Variants in RP1 observed in about 807,000 individuals in gnomAD.
The protein encoded by RP1 is RP1 axonemal microtubule associated, also known as oxygen-regulated protein 1.
A neutral mutation model predicts 14.8 loss-of-function variants in RP1; 16 were observed. That is an observed-to-expected ratio of 1.08 (90% confidence interval 0.73 to 1.65). The LOEUF (loss-of-function observed/expected upper bound fraction) is 1.65. RP1 is among the 40% of genes most tolerant of loss of function. The pLI is 0.00. For missense variants in RP1, 2,631 were observed against 2,535.0 expected, an observed-to-expected ratio of 1.04 and a Z score of -0.81; for synonymous variants, 876 against 883.6, an observed-to-expected ratio of 0.99 and a Z score of 0.15.
At chr8:54,763,318 C>CA (rs1809686225) in intron 22 of RP1, among the ~76,000 whole-genome samples, 1 of 152,150 alleles carries the variant, frequency 6.6e-6, no homozygotes, top group South Asian at 2.1e-4. Flanking sequence ...CAAGGAGTGC[C>CA]AAAAGCTTCT....
exon 24 of RP1, chr8:54,783,698 A>G (rs1342116710): frequency 1.6e-6 from 2 of 1,230,858 alleles, no homozygotes; most frequent in Non-Finnish European, 1.0e-6. Context: ...CTAACACTGC[A>G]GATATATTCA....
Position 54,853,904 on chromosome 8 carries a change from GAA to G in RP1, c.3990+1178_3990+1179del, listed in dbSNP as rs771560244. On this transcript the variant is annotated intron_variant, in intron 26 of 28. Coordinates refer to the RP1 transcript ENST00000637698. ...AAGAAAAAAAGAAAAAAGAAGGAAA[GAA>G]AGAGAAAAAAGAAAAAAGGGAGAGA... Among the ~76,000 whole-genome samples the G allele has an allele frequency of 1.7e-3, 199 of 118,026 alleles. 1 individual carries two copies. Among genetic ancestry groups the G allele is most frequent in the Admixed American group, 2.6e-3 (28 of 10,928 alleles). 77.4% of individuals were successfully genotyped at this position (118,026 alleles called of 152,430 possible).
At chr8:54,781,834 T>G (rs1810196874) in intron 23 of RP1, among the ~76,000 whole-genome samples, 1 of 152,168 alleles carries the variant, frequency 6.6e-6, no homozygotes, top group Non-Finnish European at 1.5e-5. Flanking sequence ...TATTCCACCC[T>G]TAAGGCCTAT....
At chr8:54,587,947 G>A (rs1804968329) in intron 1 of RP1, among the ~76,000 whole-genome samples, 1 of 152,076 alleles carries the variant, frequency 6.6e-6, no homozygotes, top group African/African-American at 2.4e-5. Context: ...ACATTATTAA[G>A]TTTAGACCAT....
In RP1 at chr8:54,830,296, T is replaced by A. The variant is rs190345564; in HGVS notation, c.3616-7154T>A. On this transcript the variant is annotated intron_variant, in intron 24 of 28. Coordinates refer to the RP1 transcript ENST00000637698. ...TGACCTTCTGTATTTCTTTTTTTTT[T>A]TATACTTTAAGTTCTGGGGTACATG... Among the ~76,000 whole-genome samples the A allele has an allele frequency of 1.2e-4, 19 of 152,190 alleles. No individual in the cohort carries two copies. The East Asian group carries it at 2.1e-3, about 17-fold the overall frequency.
intron 5 of RP1, among the ~76,000 whole-genome samples, chr8:54,653,766 A>G (rs1039639774): frequency 2.0e-5 from 3 of 152,330 alleles, no homozygotes; most frequent in Middle Eastern, 3.4e-3. Flanking sequence ...CCTGGCTTCT[A>G]TGTGAAATAC....
chr8:54,714,497 C>T (rs1808357722), intron 15 of RP1, among the ~76,000 whole-genome samples: 1 of 152,090 alleles, frequency 6.6e-6, no homozygotes, highest in African/African-American at 2.4e-5. Flanking sequence ...TAAACTGGCT[C>T]AACTAATTAT....
exon 16 of RP1, chr8:54,720,144 G>T: frequency 6.5e-7 from 1 of 1,534,412 alleles, no homozygotes; most frequent in Non-Finnish European, 8.7e-7. Flanking sequence ...AGGAGATGTT[G>T]ACTGTCATTT....
chr8:54,753,230 G>A (rs760025373), intron 19 of RP1, among the ~76,000 whole-genome samples: 50 of 152,190 alleles, frequency 3.3e-4, no homozygotes, highest in African/African-American at 4.8e-4. Context: ...ATGGTCAGGC[G>A]TGCTGAGTTA....
Position 54,754,241 on chromosome 8 carries a change from A to T in RP1, c.2809-562A>T, listed in dbSNP as rs538178330. Among the ~76,000 whole-genome samples, 21 of 152,130 alleles carry T rather than the reference A, an allele frequency of 1.4e-4. 1 individual carries two copies. The South Asian group carries it at 4.2e-3, about 30-fold the overall frequency. Reference sequence around the variant, plus strand: ...TTTAGAGCCTACAGATGTTATAAATACACTTAAAAGGCATTCACTTTTTTT... The same window carrying T: ...TTTAGAGCCTACAGATGTTATAAATTCACTTAAAAGGCATTCACTTTTTTT... On this transcript the variant is annotated intron_variant, in intron 19 of 22. Coordinates refer to the RP1 transcript ENST00000636932.
chr8:54,861,182 C>T (rs1188645631), intron 27 of RP1, among the ~76,000 whole-genome samples: 2 of 152,186 alleles, frequency 1.3e-5, no homozygotes, highest in African/African-American at 4.8e-5. Context: ...TATTTGGAGT[C>T]TGATAACCCA....
intron 13 of RP1, among the ~76,000 whole-genome samples, chr8:54,700,131 A>C (rs898321389): frequency 2.0e-5 from 3 of 152,104 alleles, no homozygotes; most frequent in Admixed American, 6.6e-5. Flanking sequence ...CAAGCTAGTA[A>C]GTGTGGAAGC....
intron 1 of RP1, among the ~76,000 whole-genome samples, chr8:54,577,947 CTT>C (rs11377826): frequency 4.0e-5 from 6 of 150,290 alleles, no homozygotes; most frequent in Non-Finnish European, 7.4e-5. Flanking sequence ...CAAACATTTT[CTT>C]TTTTTTTTAT....
Position 54,720,272 on chromosome 8 carries a change from T to A in RP1, c.2355T>A (p.Asp785Glu), listed in dbSNP as rs139045681. 21 of 1,535,360 alleles carry A rather than the reference T, an allele frequency of 1.4e-5. No homozygotes were observed. The East Asian group carries it at 2.7e-4, about 20-fold the overall frequency. Residue 785 changes from aspartate to glutamate, a missense_variant, in exon 16 of 23, where the codon GAT (aspartate) becomes GAA (glutamate). Physicochemically the swap from Asp to Glu is conservative, Grantham distance 45. Transcript: ENST00000636932. ...CAAAACCAATGATTTATACCAAGGATGAGAATGTTTGCTTCTATCCACAAG... is the reference window on the plus strand; with the variant it reads ...CAAAACCAATGATTTATACCAAGGAAGAGAATGTTTGCTTCTATCCACAAG...
chr8:54,621,935 C>G (rs918642534), intron 2 of RP1, among the ~76,000 whole-genome samples, 182 bp from the exon 3 acceptor site: 1 of 152,152 alleles, frequency 6.6e-6, no homozygotes. Flanking sequence ...CTGACTCCCC[C>G]ACCCAACCTT....
intron 7 of RP1, among the ~76,000 whole-genome samples, chr8:54,673,521 C>G (rs1352062155): frequency 6.6e-6 from 1 of 152,164 alleles, no homozygotes; most frequent in Non-Finnish European, 1.5e-5. Flanking sequence ...GGGCGGATTG[C>G]TTGAACCCAG....
At chr8:54,560,486 G>A (rs1428606080) in intron 1 of RP1, 1 of 151,956 alleles carries the variant, frequency 6.6e-6, no homozygotes, top group Admixed American at 6.6e-5. Flanking sequence ...CGATGGTGCA[G>A]GTGAGAAGCC....
rs144488503 is a variant in RP1 at position 54,660,868 on chromosome 8, A to G, written c.1172-2831A>G. Among the ~76,000 whole-genome samples, 330 of 152,230 alleles carry G rather than the reference A, an allele frequency of 2.2e-3. 1 individual carries two copies. The highest frequency in any genetic ancestry group is 3.9e-3 in the Non-Finnish European group (265 of 68,016). On this transcript the variant is annotated intron_variant, in intron 6 of 22. Coordinates refer to the RP1 transcript ENST00000636932. Reference sequence around the variant, plus strand: ...TTATATATTTGTCTTTTAAGTTCTTACATGGAAAATAAAAGAAGAATACCT... The same window carrying G: ...TTATATATTTGTCTTTTAAGTTCTTGCATGGAAAATAAAAGAAGAATACCT...
chr8:54,752,545 C>A (rs1460536200), intron 19 of RP1, among the ~76,000 whole-genome samples: 1 of 152,104 alleles, frequency 6.6e-6, no homozygotes, highest in African/African-American at 2.4e-5. Context: ...CATTTGTATT[C>A]ATTCCTTCAT....
Sources: gnomAD v4.1 joint callset for allele counts (sites outside exome capture counted in the v4.1 genomes callset) on GRCh38, gnomAD v4.1.1 for gene constraint, MANE v1.5 for transcripts, NCBI Gene and HGNC (gene_info 2026-07-23, HGNC 2026-07-21) for gene names.